Variants in CTNNBL1 observed in about 807,000 individuals in gnomAD.
CTNNBL1 encodes the protein catenin beta like 1.
CTNNBL1 carries 31 observed loss-of-function variants against 72.7 expected under a neutral mutation model. The ratio of observed to expected loss-of-function variants is 0.43; its 90% CI spans 0.32 to 0.58. The LOEUF is 0.58. Ranked by LOEUF, CTNNBL1 falls within the 20% of genes least tolerant of loss-of-function variation. The probability of loss-of-function intolerance (pLI) is 0.08; values close to 1 mark genes in which losing one functional copy is unlikely to be tolerated. For synonymous variants in CTNNBL1, 240 were observed against 267.3 expected (o/e 0.90, Z 1.00); for missense variants, 534 against 725.1 (o/e 0.74, Z 3.03).
At chr20:37,810,315 A>T (rs1057401874) in intron 11 of CTNNBL1, among the ~76,000 whole-genome samples, 1 of 152,222 alleles carries the variant, frequency 6.6e-6, no homozygotes, top group Non-Finnish European at 1.5e-5. Flanking sequence ...GAGAAAACAC[A>T]AGAGACAGCC....
intron 1 of CTNNBL1, among the ~76,000 whole-genome samples, chr20:37,716,774 T>C (rs1397402683): frequency 1.3e-5 from 2 of 152,222 alleles, no homozygotes; most frequent in Admixed American, 1.3e-4. Flanking sequence ...ATTTTCAGAC[T>C]CTAAAGTATT....
chr20:37,719,610 C>T (rs759505743), intron 1 of CTNNBL1, among the ~76,000 whole-genome samples: 12 of 152,208 alleles, frequency 7.9e-5, no homozygotes, highest in Non-Finnish European at 1.3e-4. Context: ...GTTCCTTTCT[C>T]ATCTCCCCTT....
chr20:37,800,399 C>A (rs2073814056), intron 10 of CTNNBL1, among the ~76,000 whole-genome samples: 2 of 152,170 alleles, frequency 1.3e-5, no homozygotes, highest in Non-Finnish European at 2.9e-5. Context: ...CCTCCTTTTA[C>A]TTTTCACTCC....
intron 13 of CTNNBL1, 94 bp from the exon 14 acceptor site, chr20:37,859,805 G>C: frequency 4.1e-6 from 5 of 1,227,388 alleles, no homozygotes; most frequent in Non-Finnish European, 5.7e-6. Flanking sequence ...TGTTATAGTT[G>C]CTATTGTTGT....
intron 1 of CTNNBL1, among the ~76,000 whole-genome samples, chr20:37,708,490 G>A (rs534734388): frequency 2.6e-5 from 4 of 152,190 alleles, no homozygotes; most frequent in South Asian, 4.2e-4. Flanking sequence ...TTCTTGATGC[G>A]GGGTTTCTAT....
intron 1 of CTNNBL1, among the ~76,000 whole-genome samples, chr20:37,723,507 T>A (rs2073059154): frequency 2.0e-5 from 3 of 152,284 alleles, no homozygotes; most frequent in Admixed American, 2.0e-4. Flanking sequence ...GAGCGCTTGA[T>A]ATCTTTTTTT....
Position 37,777,404 on chromosome 20 carries a change from C to A in CTNNBL1, c.810C>A (p.Leu270=), listed in dbSNP as rs760902122. Residue 270 remains leucine, a synonymous_variant, in exon 8 of 16, where the codon CTC becomes CTA. Coordinates refer to ENST00000361383, the MANE Select transcript of CTNNBL1 (RefSeq NM_030877.5). The part of the protein sequence containing the change: ...LYCSEVLAIL[L]QDNDENRELL... Reference sequence around the variant, plus strand: ...GCAGTGAAGTGCTGGCCATATTGCTCCAGGACAATGATGGTGAGGCGCCCT... The same window carrying A: ...GCAGTGAAGTGCTGGCCATATTGCTACAGGACAATGATGGTGAGGCGCCCT... 4 of 1,613,662 alleles carry A rather than the reference C, an allele frequency of 2.5e-6. No homozygotes were observed. In the African/African-American group the frequency reaches 5.3e-5, roughly 22 times the overall value.
intron 13 of CTNNBL1, among the ~76,000 whole-genome samples, chr20:37,843,278 C>G (rs1343454407): frequency 2.6e-5 from 4 of 152,228 alleles, no homozygotes; most frequent in Non-Finnish European, 5.9e-5. Flanking sequence ...TGCTGCATCA[C>G]TCCATCCTTT....
chr20:37,735,582 G>A (rs2073164585), intron 2 of CTNNBL1, among the ~76,000 whole-genome samples: 1 of 152,194 alleles, frequency 6.6e-6, no homozygotes, highest in African/African-American at 2.4e-5. Flanking sequence ...ACTCTGACTT[G>A]TTTTTACTGT....
rs1008924305 is a variant in CTNNBL1 at position 37,695,765 on chromosome 20, C to T, written c.30+1613C>T. Among the ~76,000 whole-genome samples, 13 of 152,170 alleles carry T rather than the reference C, an allele frequency of 8.5e-5. No homozygotes were observed. The East Asian group carries it at 9.6e-4, about 11-fold the overall frequency. The stretch of plus-strand genomic sequence containing the variant: ...TTCATCTGTAAATGGGGGACAGTGA[C>T]GGTAGCTGCCTCACAGGGCTGTTGT... On this transcript the variant is annotated intron_variant, in intron 1 of 15. Coordinates refer to ENST00000361383, the MANE Select transcript of CTNNBL1 (RefSeq NM_030877.5).
chr20:37,747,974 A>T (rs2073283101), intron 4 of CTNNBL1, among the ~76,000 whole-genome samples: 1 of 152,186 alleles, frequency 6.6e-6, no homozygotes, highest in Non-Finnish European at 1.5e-5. Flanking sequence ...TTTATACTTT[A>T]TCTTGGCTAT....
intron 11 of CTNNBL1, among the ~76,000 whole-genome samples, chr20:37,822,031 G>A (rs2072112486): frequency 6.6e-6 from 1 of 151,934 alleles, no homozygotes; most frequent in Admixed American, 6.6e-5. Context: ...CTGTTCAATA[G>A]ACAGTTGGGG....
intron 1 of CTNNBL1, among the ~76,000 whole-genome samples, chr20:37,714,694 T>C (rs1311342381): frequency 6.6e-6 from 1 of 152,216 alleles, no homozygotes; most frequent in Non-Finnish European, 1.5e-5. Context: ...TACCCAGCCT[T>C]ATAGGCAAAA....
chr20:37,752,169 G>A (rs1232327813), intron 4 of CTNNBL1, among the ~76,000 whole-genome samples: 1 of 152,188 alleles, frequency 6.6e-6, no homozygotes, highest in Non-Finnish European at 1.5e-5. Context: ...TAGGGTGGTT[G>A]TAGCCTGCCT....
intron 1 of CTNNBL1, among the ~76,000 whole-genome samples, chr20:37,708,553 G>T (rs556987114): frequency 1.3e-5 from 2 of 152,262 alleles, no homozygotes; most frequent in Non-Finnish European, 2.9e-5. Flanking sequence ...AAAAAATGAG[G>T]TATGCTTGTA....
chr20:37,835,849 G>A (rs917892737), intron 11 of CTNNBL1, among the ~76,000 whole-genome samples: 5 of 152,112 alleles, frequency 3.3e-5, no homozygotes, highest in African/African-American at 9.7e-5. Context: ...TGTGGGTGCC[G>A]ATATGGAAAT....
chr20:37,836,537 A>G (rs923913873), intron 11 of CTNNBL1, among the ~76,000 whole-genome samples: 1 of 152,290 alleles, frequency 6.6e-6, no homozygotes, highest in East Asian at 1.9e-4. Flanking sequence ...GGTTATGTCC[A>G]GTAGGAACCC....
At chr20:37,841,505 G>A (rs1188362053) in intron 12 of CTNNBL1, among the ~76,000 whole-genome samples, 1 of 152,188 alleles carries the variant, frequency 6.6e-6, no homozygotes, top group Non-Finnish European at 1.5e-5. Flanking sequence ...GGCTAAAGAA[G>A]GTTTGACCAC....
chr20:37,740,514 C>T (rs2073206553), intron 3 of CTNNBL1, among the ~76,000 whole-genome samples: 1 of 152,200 alleles, frequency 6.6e-6, no homozygotes, highest in Non-Finnish European at 1.5e-5. Flanking sequence ...TCCTAAACAC[C>T]ACATTGACTA....
Sources: allele counts gnomAD v4.1 joint callset (sites outside exome capture counted in the v4.1 genomes callset), GRCh38; gene constraint gnomAD v4.1.1; transcripts MANE v1.5; gene names NCBI Gene and HGNC (gene_info 2026-07-23, HGNC 2026-07-21).